Variants in SF3B3 observed in about 807,000 individuals in gnomAD.
SF3B3 encodes the protein splicing factor 3b subunit 3, also known as SAP 130.
SF3B3 carries 33 observed loss-of-function variants against 139.2 expected under a neutral mutation model. The observed-to-expected ratio is 0.24, with a 90% CI of 0.18 to 0.32. The LOEUF is 0.32. SF3B3 is among the 10% of genes least tolerant of loss of function. The probability of loss-of-function intolerance (pLI) is 1.00; values close to 1 mark genes in which losing one functional copy is unlikely to be tolerated. For synonymous variants in SF3B3, 596 were observed against 563.6 expected, an observed-to-expected ratio of 1.06 and a Z score of -0.81; for missense variants, 818 against 1,509.4, an observed-to-expected ratio of 0.54 and a Z score of 7.59.
intron 1 of SF3B3, chr16:70,524,135 T>G (rs1461095330): frequency 2.0e-5 from 7 of 356,224 alleles, no homozygotes; most frequent in East Asian, 8.2e-5. Flanking sequence ...GAACATATTC[T>G]ATCTCAAAAT....
At position 70,539,086 on chromosome 16, in the gene SF3B3, T is replaced by C; in HGVS notation, c.964-18T>C. 1 of 1,565,180 alleles carries C rather than the reference T, an allele frequency of 6.4e-7. No individual in the cohort carries two copies. The highest frequency in any genetic ancestry group is 8.8e-7 in the Non-Finnish European group (1 of 1,135,372). On this transcript the variant is annotated intron_variant, in intron 7 of 25. Transcript: ENST00000302516. ...ACTTCACTTTGTTTGTACACCAGAA[T>C]GTTTCTTTTCTCACCAGGTTACTGA...
chr16:70,563,645 C>A (rs753794817), intron 17 of SF3B3: 1 of 482,706 alleles, frequency 2.1e-6, no homozygotes, highest in Non-Finnish European at 3.7e-6. Flanking sequence ...TTGGTAGGAA[C>A]TAGAACTGCT....
intron 2 of SF3B3, among the ~76,000 whole-genome samples, chr16:70,528,250 C>T (rs1054320654): frequency 6.7e-6 from 1 of 149,524 alleles, no homozygotes; most frequent in East Asian, 2.0e-4. Flanking sequence ...CTGCAAACTC[C>T]GTCTCCCAGG....
chr16:70,538,304 G>A lies in SF3B3; in HGVS notation c.826-19G>A, dbSNP rs1477580876. 6.2e-7 allele frequency: 1 copy of A among 1,610,086 alleles called. No homozygotes were observed. Among genetic ancestry groups the A allele is most frequent in the East Asian group, 2.2e-5 (1 of 44,822 alleles). Reference sequence around the variant, plus strand: ...AGTACCCATTTCTAAGACATTGATTGTGTTTTTGACTTTGCTAGAATGACC... The same window carrying A: ...AGTACCCATTTCTAAGACATTGATTATGTTTTTGACTTTGCTAGAATGACC... On this transcript the variant is annotated intron_variant, in intron 6 of 25. Transcript: ENST00000302516.
intron 1 of SF3B3, 85 bp from the exon 2 acceptor site, chr16:70,526,499 TCTG>T: frequency 3.3e-6 from 2 of 601,566 alleles, no homozygotes; most frequent in Non-Finnish European, 5.9e-6. Flanking sequence ...CTCTGCTGGT[TCTG>T]CTGTCTTCAT....
intron 5 of SF3B3, among the ~76,000 whole-genome samples, chr16:70,533,908 A>G (rs958096379): frequency 6.6e-6 from 1 of 152,184 alleles, no homozygotes; most frequent in Admixed American, 6.5e-5. Flanking sequence ...CTTTCAACAC[A>G]TTTTTATTGA....
chr16:70,547,703 C>T (rs1177537448), intron 10 of SF3B3, among the ~76,000 whole-genome samples: 2 of 152,222 alleles, frequency 1.3e-5, no homozygotes, highest in African/African-American at 4.8e-5. Flanking sequence ...AAGCGATTCT[C>T]CCGCCTCAGC....
intron 3 of SF3B3, 70 bp downstream of exon 3, chr16:70,529,269 C>A: frequency 7.9e-7 from 1 of 1,269,286 alleles, no homozygotes; most frequent in Non-Finnish European, 1.1e-6. Context: ...TGGTGGTGTG[C>A]CAGTGCCAAT....
At position 70,563,968 on chromosome 16, in the gene SF3B3, G is replaced by A. The variant is rs112954450; in HGVS notation, c.2381G>A (p.Ser794Asn). Residue 794 changes from serine to asparagine, a missense_variant, in exon 18 of 26, where the codon AGT becomes AAT. By Grantham distance (46) the Ser-to-Asn change is conservative (BLOSUM62 1). Around this residue, in one of 14 missense-constraint regions of SF3B3, gnomAD observed 34 missense variants for 30.5 expected, o/e 1.12. Transcript: ENST00000302516. ...AGGAAATTTGTCATCCACCCTGAGAGTAACAACCTTATTATCATTGAAACG... is the reference window on the plus strand; with the variant it reads ...AGGAAATTTGTCATCCACCCTGAGAATAACAACCTTATTATCATTGAAACG... ...TPRKFVIHPESNNLIIIETDH... is the reference protein window; with the variant it reads ...TPRKFVIHPENNNLIIIETDH... 225 of 1,614,038 alleles carry A rather than the reference G, an allele frequency of 1.4e-4. No homozygotes were observed. Among genetic ancestry groups the A allele is most frequent in the East Asian group, 2.9e-4 (13 of 44,896 alleles).
At chr16:70,555,911 ATTTGTG>A (rs2050376291) in intron 13 of SF3B3, among the ~76,000 whole-genome samples, 1 of 152,198 alleles carries the variant, frequency 6.6e-6, no homozygotes, top group African/African-American at 2.4e-5. Flanking sequence ...GGCTCAGAAA[ATTTGTG>A]GCACATTGAC....
At chr16:70,555,404 G>A (rs1388080172) in intron 13 of SF3B3, among the ~76,000 whole-genome samples, 198 bp downstream of exon 13, 1 of 150,850 alleles carries the variant, frequency 6.6e-6, no homozygotes, top group African/African-American at 2.4e-5. Flanking sequence ...GCTTGAACCC[G>A]GGAGGCAGAG....
In SF3B3 at chr16:70,548,426, G is replaced by A. The variant is rs372662262; in HGVS notation, c.1386G>A (p.Val462=). 24 of 1,613,842 alleles carry A rather than the reference G, an allele frequency of 1.5e-5. No homozygotes were observed. The African/African-American group carries it at 2.7e-4, about 18-fold the overall frequency. Residue 462 remains valine (V), a synonymous_variant, in exon 11 of 26, where the codon GTG becomes GTA. Coordinates refer to ENST00000302516, the MANE Select transcript of SF3B3 (RefSeq NM_012426.5). ...GTAACCCCAACGCTGTCTGGACAGT[G>A]CGTCGACACATTGAAGGTAAGCAGC... ...LPGNPNAVWT[V]RRHIEDEFDA...
At chr16:70,546,983 G>A (rs376833514) in intron 10 of SF3B3, among the ~76,000 whole-genome samples, 21 of 151,838 alleles carry the variant, frequency 1.4e-4, no homozygotes, top group East Asian at 5.8e-4. Context: ...AGCCAAGATC[G>A]CGCCATTGCA....
chr16:70,558,246 A>C (rs558840503), intron 15 of SF3B3, among the ~76,000 whole-genome samples: 1 of 150,610 alleles, frequency 6.6e-6, no homozygotes, highest in Admixed American at 6.6e-5. Context: ...TCTAGTAGCC[A>C]CGAACAGGAA....
intron 1 of SF3B3, among the ~76,000 whole-genome samples, chr16:70,526,324 C>CAG (rs2050063355): frequency 6.6e-6 from 1 of 152,092 alleles, no homozygotes; most frequent in Non-Finnish European, 1.5e-5. Flanking sequence ...TCTCCTGCCT[C>CAG]AGCCTCCCGA....
At chr16:70,567,303 G>T in intron 20 of SF3B3, 108 bp from the exon 21 acceptor site, 1 of 1,251,844 alleles carries the variant, frequency 8.0e-7, no homozygotes, top group Non-Finnish European at 1.1e-6. Flanking sequence ...TCACTGGTGT[G>T]TTTCTTAATG....
At chr16:70,569,242 G>A (rs2050505909) in intron 23 of SF3B3, 101 bp downstream of exon 23, 11 of 775,372 alleles carry the variant, frequency 1.4e-5, no homozygotes, top group South Asian at 1.4e-4. Flanking sequence ...TAGTGCACAC[G>A]ACTGTGCTGA....
chr16:70,569,269 G>T (rs1281128338), intron 23 of SF3B3, 128 bp downstream of exon 23: 3 of 626,410 alleles, frequency 4.8e-6, no homozygotes, highest in Non-Finnish European at 5.5e-6. Flanking sequence ...TCCGTCCACA[G>T]TCCTTTCTTA....
intron 13 of SF3B3, among the ~76,000 whole-genome samples, chr16:70,555,913 T>G (rs1171698176): frequency 6.6e-6 from 1 of 152,214 alleles, no homozygotes; most frequent in East Asian, 1.9e-4. Flanking sequence ...CTCAGAAAAT[T>G]TGTGGCACAT....
Sources: gnomAD v4.1 joint callset for allele counts (sites outside exome capture counted in the v4.1 genomes callset) on GRCh38, gnomAD v4.1.1 for gene constraint, gnomAD v4.1.1 regional missense constraint, MANE v1.5 for transcripts, NCBI Gene and HGNC (gene_info 2026-07-23, HGNC 2026-07-21) for gene names.